Variants in PIGK observed in about 807,000 individuals in gnomAD.
PIGK encodes phosphatidylinositol glycan anchor biosynthesis class K, also known as GPI-anchor transamidase.
PIGK carries 42 observed loss-of-function variants against 50.6 expected under a neutral mutation model. The observed-to-expected ratio is 0.83, with a 90% CI of 0.65 to 1.07. The LOEUF (loss-of-function observed/expected upper bound fraction) is 1.07. PIGK is among the 50% of genes least tolerant of loss of function. The probability of loss-of-function intolerance (pLI) is 0.00; values close to 1 mark genes in which losing one functional copy is unlikely to be tolerated. For synonymous variants in PIGK, 151 were observed against 156.0 expected (o/e 0.97, Z 0.24); for missense variants, 448 against 488.7 (o/e 0.92, Z 0.78).
At chr1:77,130,095 G>A (rs567168800) in intron 9 of PIGK, among the ~76,000 whole-genome samples, 8 of 148,144 alleles carry the variant, frequency 5.4e-5, no homozygotes, top group East Asian at 3.9e-4. Flanking sequence ...AATATGTGGC[G>A]TTATTTCGAT....
chr1:77,136,594 T>C (rs1654524920), intron 9 of PIGK, among the ~76,000 whole-genome samples: 1 of 151,310 alleles, frequency 6.6e-6, no homozygotes, highest in Non-Finnish European at 1.5e-5. Context: ...TTACCCATTG[T>C]AGATGCCATT....
intron 5 of PIGK, among the ~76,000 whole-genome samples, chr1:77,165,712 G>A (rs1260585044): frequency 6.6e-6 from 1 of 151,956 alleles, no homozygotes; most frequent in Non-Finnish European, 1.5e-5. Context: ...TAAATGCTAT[G>A]AAAGAAACTA....
At chr1:77,147,097 G>A (rs888746493) in intron 9 of PIGK, among the ~76,000 whole-genome samples, 2 of 151,954 alleles carry the variant, frequency 1.3e-5, no homozygotes, top group African/African-American at 4.8e-5. Flanking sequence ...AGCTGGGGAG[G>A]CCTCAAAATC....
At chr1:77,119,302 CAT>C (rs1491545342) in intron 10 of PIGK, among the ~76,000 whole-genome samples, 2 of 152,180 alleles carry the variant, frequency 1.3e-5, no homozygotes, top group Admixed American at 6.5e-5. Flanking sequence ...GTTTCTGAAA[CAT>C]AGTACTTTCC....
At chr1:77,212,202 G>A (rs1343613087) in intron 1 of PIGK, among the ~76,000 whole-genome samples, 2 of 152,026 alleles carry the variant, frequency 1.3e-5, no homozygotes, top group Non-Finnish European at 2.9e-5. Context: ...AATAATAGTG[G>A]ATATAAGCCA....
At chr1:77,120,775 C>A (rs1032949495) in intron 10 of PIGK, among the ~76,000 whole-genome samples, 1 of 152,100 alleles carries the variant, frequency 6.6e-6, no homozygotes, top group Non-Finnish European at 1.5e-5. Context: ...TGTAAAATTT[C>A]TTAAAGATAG....
chr1:77,135,077 G>C (rs1570211019), intron 9 of PIGK, among the ~76,000 whole-genome samples: 1 of 152,040 alleles, frequency 6.6e-6, no homozygotes, highest in African/African-American at 2.4e-5. Context: ...TGGTCTTAAA[G>C]AGAATGCTTA....
chr1:77,164,004 T>C (rs1470627539), intron 5 of PIGK, 62 bp from the exon 6 acceptor site: 1 of 834,708 alleles, frequency 1.2e-6, no homozygotes, highest in South Asian at 1.6e-5. Flanking sequence ...TATCTAGATA[T>C]ATACATTTAC....
intron 3 of PIGK, chr1:77,195,174 G>A: frequency 6.5e-6 from 8 of 1,221,782 alleles, no homozygotes; most frequent in Non-Finnish European, 9.6e-6. Context: ...GGTCAGAGGA[G>A]ACCCTCCTGT....
chr1:77,202,026 C>T (rs1269847753), intron 3 of PIGK, among the ~76,000 whole-genome samples: 1 of 144,476 alleles, frequency 6.9e-6, no homozygotes, highest in Non-Finnish European at 1.5e-5. Context: ...TCACTGTAAC[C>T]CACCCAGGGC....
intron 10 of PIGK, among the ~76,000 whole-genome samples, chr1:77,105,807 C>A (rs1367053031): frequency 6.6e-6 from 1 of 152,120 alleles, no homozygotes; most frequent in African/African-American, 2.4e-5. Context: ...GTAACAAACA[C>A]CATGTGGCCC....
At chr1:77,155,680 G>A (rs544422861) in intron 8 of PIGK, among the ~76,000 whole-genome samples, 197 of 152,126 alleles carry the variant, frequency 1.3e-3, no homozygotes, top group African/African-American at 3.0e-3. Flanking sequence ...TTGCAGAGAC[G>A]TGCAAAGCAA....
At chr1:77,167,385 T>C (rs1570237224) in intron 4 of PIGK, among the ~76,000 whole-genome samples, 1 of 152,196 alleles carries the variant, frequency 6.6e-6, no homozygotes, top group East Asian at 1.9e-4. Context: ...GAAAAATAAG[T>C]TCTGAATTTA....
chr1:77,185,873 A>G (rs183353053), intron 3 of PIGK, among the ~76,000 whole-genome samples: 3 of 152,354 alleles, frequency 2.0e-5, no homozygotes, highest in East Asian at 1.9e-4. Context: ...TCTTCTGCAG[A>G]TAACTATTCT....
chr1:77,107,285 T>C (rs2100515882), intron 10 of PIGK, among the ~76,000 whole-genome samples: 1 of 152,334 alleles, frequency 6.6e-6, no homozygotes, highest in Non-Finnish European at 1.5e-5. Flanking sequence ...TCTGGTATGT[T>C]GTGACTTTGT....
chr1:77,126,924 T>C (rs957212156), intron 9 of PIGK, among the ~76,000 whole-genome samples: 4 of 152,172 alleles, frequency 2.6e-5, no homozygotes, highest in African/African-American at 9.7e-5. Flanking sequence ...ATGATCTCTT[T>C]CCAAGGTCCT....
At chr1:77,092,612 A>C in intron 10 of PIGK, 122 bp from the exon 11 acceptor site, 1 of 658,580 alleles carries the variant, frequency 1.5e-6, no homozygotes, top group South Asian at 1.7e-5. Flanking sequence ...CTAGTTAGTC[A>C]AATTAAACAC....
chr1:77,203,481 G>A (rs1040049010), intron 3 of PIGK, among the ~76,000 whole-genome samples: 2 of 152,044 alleles, frequency 1.3e-5, no homozygotes, highest in Non-Finnish European at 2.9e-5. Flanking sequence ...TAAGAAACTG[G>A]TCATACTCGA....
intron 10 of PIGK, among the ~76,000 whole-genome samples, chr1:77,108,449 C>T (rs1005038954): frequency 1.3e-5 from 2 of 152,060 alleles, no homozygotes; most frequent in Non-Finnish European, 2.9e-5. Flanking sequence ...GAGTTTCTGC[C>T]GAGAGATCTG....
Sources: allele counts gnomAD v4.1 joint callset (sites outside exome capture counted in the v4.1 genomes callset), GRCh38; gene constraint gnomAD v4.1.1; transcripts MANE v1.5; gene names NCBI Gene and HGNC (gene_info 2026-07-23, HGNC 2026-07-21).